The following NDRG1 variants were observed in gnomAD, a reference collection of about 807,000 sequenced individuals.
NDRG1 encodes protein NDRG1.
Under a neutral mutation model 56.9 loss-of-function variants are expected in NDRG1, and 32 were observed. The ratio of observed to expected loss-of-function variants is 0.56; its 90% CI spans 0.42 to 0.76. The LOEUF is 0.76. NDRG1 is among the 30% of genes least tolerant of loss of function. The pLI is 0.00. For missense variants in NDRG1, 507 were observed against 545.7 expected (o/e 0.93, Z 0.71); for synonymous variants, 211 against 204.1 (o/e 1.03, Z -0.29).
chr8:133,239,579 G>A (rs985561889), intron 15 of NDRG1: 2 of 198,464 alleles, frequency 1.0e-5, no homozygotes, highest in Non-Finnish European at 2.1e-5. Context: ...GAAAGGGAGA[G>A]GGGCCACACG....
chr8:133,239,096 G>T lies in NDRG1; in HGVS notation c.967C>A (p.Leu323Met). The T allele has an allele frequency of 6.4e-7, 1 of 1,564,096 alleles. No individual in the cohort carries two copies. Among genetic ancestry groups the T allele is most frequent in the South Asian group, 1.2e-5 (1 of 85,066 alleles). ...GYMPSASMTR[L>M]MRSRTASGSS... is the part of the protein sequence containing the mutation. Reference sequence around the variant, plus strand: ...CCAGAGGCTGTGCGGGACCGCATCAGGCGGGTCATGCTAGCCGAGGGCACT... The same window carrying T: ...CCAGAGGCTGTGCGGGACCGCATCATGCGGGTCATGCTAGCCGAGGGCACT... Residue 323 changes from leucine (L) to methionine (M), a missense_variant, in exon 16 of 16, where the codon CTG (leucine) becomes ATG (methionine). Physicochemically the swap from Leu to Met is conservative, Grantham distance 15. Coordinates refer to ENST00000323851, the MANE Select transcript of NDRG1 (RefSeq NM_006096.4).
In NDRG1 at chr8:133,281,079, G is replaced by A. The variant is rs118004077; in HGVS notation, c.64-812C>T. ...ATCTAAAAATTCTGAGTTTCAGGCT[G>A]GGTGCTGTGGCTCACGCCTGTAATC... On this transcript the variant is annotated intron_variant, in intron 2 of 15. Coordinates refer to ENST00000323851, the MANE Select transcript of NDRG1 (RefSeq NM_006096.4). 566 of 152,350 alleles carry A rather than the reference G, an allele frequency of 3.7e-3. 9 individuals carry two copies. The highest frequency in any genetic ancestry group is 0.02 in the Admixed American group (306 of 15,298). 9.4% of individuals were successfully genotyped at this position (152,350 alleles called of 1,614,324 possible). A position where few individuals can be genotyped will look rare whatever the true frequency, so the allele number is the denominator to read the frequency against.
chr8:133,295,171 C>G (rs1858675269), intron 1 of NDRG1, among the ~76,000 whole-genome samples: 1 of 152,230 alleles, frequency 6.6e-6, no homozygotes, highest in Non-Finnish European at 1.5e-5. Context: ...CATGCACAGT[C>G]TATTACCTCG....
At chr8:133,259,524 C>T in intron 5 of NDRG1, 1 of 470,444 alleles carries the variant, frequency 2.1e-6, no homozygotes, top group South Asian at 2.1e-5. Context: ...TTATAAACAT[C>T]ACTGAGGCTG....
At chr8:133,293,484 G>A (rs1173169299) in intron 1 of NDRG1, among the ~76,000 whole-genome samples, 5 of 152,182 alleles carry the variant, frequency 3.3e-5, no homozygotes, top group African/African-American at 1.2e-4. Context: ...ACCAGCCTGA[G>A]CCTCAATTTT....
chr8:133,254,627 C>A (rs757324830), intron 8 of NDRG1, 32 bp from the exon 9 acceptor site: 92 of 1,610,442 alleles, frequency 5.7e-5, no homozygotes, highest in Non-Finnish European at 7.6e-5. Flanking sequence ...GGATGAGAAA[C>A]CAGGAGCTAA....
At chr8:133,254,507 G>C (rs1180500767) in intron 9 of NDRG1, 32 bp downstream of exon 9, 3 of 1,613,014 alleles carry the variant, frequency 1.9e-6, no homozygotes, top group East Asian at 2.2e-5. Context: ...TGCTCAGCAG[G>C]AACAACAGAT....
chr8:133,259,176 T>C lies in NDRG1; in HGVS notation c.381A>G (p.Gln127=), dbSNP rs1856536534. ...TGATCCTTCGCTCTTACCCAAACTG[T>C]TGAAGGACTCCAGGAAGCATTTCAG... ...QLAEMLPGVL[Q]QFGLKSIIGM... is the part of the protein sequence containing the mutation. Residue 127 remains glutamine, a synonymous_variant, in exon 6 of 16, where the codon CAA becomes CAG. Coordinates refer to ENST00000323851, the MANE Select transcript of NDRG1 (RefSeq NM_006096.4). 1.9e-6 allele frequency: 3 copies of C among 1,614,126 alleles called. No homozygotes were observed. The highest frequency in any genetic ancestry group is 4.5e-5 in the East Asian group (2 of 44,878).
chr8:133,241,161 T>C (rs1309955881), intron 15 of NDRG1: 2 of 152,230 alleles, frequency 1.3e-5, no homozygotes, highest in Non-Finnish European at 2.9e-5. Context: ...AACTTCCTAG[T>C]AAGGGAGGAC....
intron 13 of NDRG1, 87 bp from the exon 14 acceptor site, chr8:133,244,477 C>A: frequency 1.3e-6 from 2 of 1,482,750 alleles, no homozygotes; most frequent in Non-Finnish European, 1.9e-6. Context: ...GATGCCCATC[C>A]GCCCGCTGCC....
chr8:133,255,596 T>A, intron 8 of NDRG1: 1 of 340,550 alleles, frequency 2.9e-6, no homozygotes, highest in Non-Finnish European at 5.8e-6. Flanking sequence ...GAAAATCAAA[T>A]AAAAAACAGG....
chr8:133,258,770 TGA>T (rs932754913), intron 6 of NDRG1, among the ~76,000 whole-genome samples: 5 of 152,192 alleles, frequency 3.3e-5, no homozygotes, highest in Admixed American at 3.3e-4. Context: ...GCAAGAACCA[TGA>T]AGTTATCATT....
intron 2 of NDRG1, among the ~76,000 whole-genome samples, chr8:133,281,357 C>CAA (rs569886625): frequency 0.026 from 2,361 of 89,604 alleles, 73 homozygotes; most frequent in African/African-American, 0.08. Flanking sequence ...AACTCCGTCT[C>CAA]AAAAAAAAAA....
intron 8 of NDRG1, 63 bp from the exon 9 acceptor site, chr8:133,254,658 A>G: frequency 7.1e-6 from 11 of 1,542,832 alleles, no homozygotes; most frequent in Non-Finnish European, 9.8e-6. Context: ...CAAGGTCAGC[A>G]AAACCCCACT....
intron 9 of NDRG1, among the ~76,000 whole-genome samples, chr8:133,250,887 C>T (rs1855982923): frequency 6.7e-6 from 1 of 148,280 alleles, no homozygotes; most frequent in African/African-American, 2.5e-5. Flanking sequence ...ATCTTTCAAC[C>T]TCTCTGAGCC....
intron 12 of NDRG1, among the ~76,000 whole-genome samples, chr8:133,247,643 G>A (rs995731684): frequency 6.6e-6 from 1 of 152,238 alleles, no homozygotes; most frequent in African/African-American, 2.4e-5. Context: ...ACAGACTGGC[G>A]GGTGAGGGGA....
At chr8:133,245,738 T>G (rs1240473838) in intron 13 of NDRG1, among the ~76,000 whole-genome samples, 1 of 152,222 alleles carries the variant, frequency 6.6e-6, no homozygotes, top group African/African-American at 2.4e-5. Context: ...ACCCATTTTG[T>G]GATACTTGTG....
At chr8:133,294,674 G>GGC (rs1000747675) in intron 1 of NDRG1, among the ~76,000 whole-genome samples, 2 of 145,096 alleles carry the variant, frequency 1.4e-5, no homozygotes, top group African/African-American at 5.3e-5. Flanking sequence ...TCTGTCATGG[G>GGC]GGGGGGGCAG....
At chr8:133,239,461 T>G in intron 15 of NDRG1, 1 of 474,002 alleles carries the variant, frequency 2.1e-6, no homozygotes, top group South Asian at 2.2e-5. Flanking sequence ...TGTTAAATAC[T>G]GACCCCTGGT....
Sources: gnomAD v4.1 joint callset for allele counts (sites outside exome capture counted in the v4.1 genomes callset) on GRCh38, gnomAD v4.1.1 for gene constraint, MANE v1.5 for transcripts, NCBI Gene and HGNC (gene_info 2026-07-23, HGNC 2026-07-21) for gene names.